KIAA1217: variants seen among roughly 807,000 people sequenced by gnomAD.
KIAA1217 encodes the protein sickle tail protein homolog.
KIAA1217 carries 88 observed loss-of-function variants against 163.9 expected under a neutral mutation model. The ratio of observed to expected loss-of-function variants is 0.54; its 90% CI spans 0.45 to 0.64. The LOEUF (loss-of-function observed/expected upper bound fraction) is 0.64, where lower values mean the gene tolerates loss of function less well. Ranked by LOEUF, KIAA1217 falls within the 30% of genes least tolerant of loss-of-function variation. KIAA1217 has a pLI of 0.00. For synonymous variants in KIAA1217, 903 were observed against 923.1 expected, an observed-to-expected ratio of 0.98 and a Z score of 0.39; for missense variants, 2,372 against 2,475.0, an observed-to-expected ratio of 0.96 and a Z score of 0.88.
chr10:24,477,042 A>G (rs1423620878), intron 6 of KIAA1217, among the ~76,000 whole-genome samples: 3 of 152,110 alleles, frequency 2.0e-5, no homozygotes, highest in Non-Finnish European at 2.9e-5. Context: ...TGCCCTCAGC[A>G]CTCCTACATG....
chr10:24,207,175 G>C (rs929990074), upstream of KIAA1217, among the ~76,000 whole-genome samples: 1 of 151,900 alleles, frequency 6.6e-6, no homozygotes, highest in Non-Finnish European at 1.5e-5. Flanking sequence ...TGTTAAGCAC[G>C]GGCTCTCTGG....
intron 1 of KIAA1217, among the ~76,000 whole-genome samples, chr10:23,708,281 G>T (rs1170419456): frequency 6.6e-6 from 1 of 152,086 alleles, no homozygotes; most frequent in Non-Finnish European, 1.5e-5. Context: ...GGGAATTATG[G>T]GAGCTGCAAT....
intron 1 of KIAA1217, among the ~76,000 whole-genome samples, chr10:23,843,036 T>C (rs1838862559): frequency 6.6e-6 from 1 of 152,200 alleles, no homozygotes; most frequent in Non-Finnish European, 1.5e-5. Flanking sequence ...ACTTCCAGTA[T>C]GTGAAACCAC....
At chr10:23,705,338 A>C (rs1836815691) in intron 1 of KIAA1217, among the ~76,000 whole-genome samples, 1 of 152,082 alleles carries the variant, frequency 6.6e-6, no homozygotes, top group Non-Finnish European at 1.5e-5. Context: ...ATGCAGATTC[A>C]TTAAGATTTA....
At chr10:24,243,893 C>T (rs2073438403) in intron 2 of KIAA1217, among the ~76,000 whole-genome samples, 1 of 152,218 alleles carries the variant, frequency 6.6e-6, no homozygotes, top group South Asian at 2.1e-4. Context: ...TCGTAGCGTT[C>T]AGAGATTATC....
At chr10:24,281,068 C>A (rs2077867228) in intron 2 of KIAA1217, among the ~76,000 whole-genome samples, 1 of 152,068 alleles carries the variant, frequency 6.6e-6, no homozygotes, top group Non-Finnish European at 1.5e-5. Flanking sequence ...ATTTTTAAAA[C>A]TTTGATGTGT....
chr10:23,789,251 GATT>G (rs1345791791), intron 1 of KIAA1217, among the ~76,000 whole-genome samples: 4 of 152,246 alleles, frequency 2.6e-5, no homozygotes, highest in Admixed American at 6.5e-5. Flanking sequence ...AATCTTTGGT[GATT>G]CAACGTTTGC....
At chr10:23,807,503 T>G (rs1357579274) in intron 1 of KIAA1217, among the ~76,000 whole-genome samples, 1 of 152,222 alleles carries the variant, frequency 6.6e-6, no homozygotes, top group Non-Finnish European at 1.5e-5. Context: ...AGGTCAAGTT[T>G]AGAAGCCAGA....
intron 1 of KIAA1217, among the ~76,000 whole-genome samples, chr10:23,733,067 G>A (rs1838565271): frequency 6.6e-6 from 1 of 151,374 alleles, no homozygotes; most frequent in African/African-American, 2.4e-5. Flanking sequence ...AGGCTGGAGT[G>A]CAGTGGCGCG....
At chr10:24,168,794 T>C (rs1204008077) in intron 2 of KIAA1217, among the ~76,000 whole-genome samples, 1 of 152,238 alleles carries the variant, frequency 6.6e-6, no homozygotes, top group African/African-American at 2.4e-5. Context: ...CTGTCCTACA[T>C]AGCAGAGCAC....
chr10:24,488,945 C>T (rs572903631), intron 6 of KIAA1217, among the ~76,000 whole-genome samples: 2 of 152,312 alleles, frequency 1.3e-5, no homozygotes, highest in Admixed American at 1.3e-4. Flanking sequence ...TCTGCTGTGT[C>T]CACGGCAGCT....
At chr10:24,318,921 G>A (rs918343637) in intron 2 of KIAA1217, among the ~76,000 whole-genome samples, 1 of 152,244 alleles carries the variant, frequency 6.6e-6, no homozygotes, top group Non-Finnish European at 1.5e-5. Context: ...GCCTCTGTGA[G>A]TTCGCTGTGG....
intron 1 of KIAA1217, among the ~76,000 whole-genome samples, chr10:23,804,681 G>A (rs1418619897): frequency 6.6e-6 from 1 of 152,138 alleles, no homozygotes; most frequent in African/African-American, 2.4e-5. Context: ...AGTGTCTGAA[G>A]TATATATGCT....
chr10:23,715,017 G>T (rs1837483485), intron 1 of KIAA1217, among the ~76,000 whole-genome samples: 1 of 152,176 alleles, frequency 6.6e-6, no homozygotes, highest in African/African-American at 2.4e-5. Context: ...CAAAGGGCAG[G>T]ATATATGGTA....
At chr10:23,946,127 A>T (rs965553488) in intron 1 of KIAA1217, among the ~76,000 whole-genome samples, 2 of 152,178 alleles carry the variant, frequency 1.3e-5, no homozygotes, top group African/African-American at 4.8e-5. Flanking sequence ...TAATAGTTAT[A>T]AACCACAAAG....
intron 1 of KIAA1217, among the ~76,000 whole-genome samples, chr10:23,777,332 C>T (rs1002114905): frequency 6.6e-6 from 1 of 152,116 alleles, no homozygotes; most frequent in African/African-American, 2.4e-5. Flanking sequence ...CTTTTCCTTT[C>T]CAGTTTAAAA....
intron 2 of KIAA1217, among the ~76,000 whole-genome samples, chr10:24,272,333 G>A (rs910501168): frequency 2.0e-5 from 3 of 152,130 alleles, no homozygotes; most frequent in Admixed American, 2.0e-4. Flanking sequence ...CTCGATGTGT[G>A]ACATTTTTTC....
At chr10:23,884,538 A>G (rs1589012163) in intron 1 of KIAA1217, among the ~76,000 whole-genome samples, 1 of 152,016 alleles carries the variant, frequency 6.6e-6, no homozygotes, top group East Asian at 2.0e-4. Flanking sequence ...GCCTTATTTC[A>G]TGTCATCTTC....
At chr10:23,900,472 C>G (rs545099775) in intron 1 of KIAA1217, among the ~76,000 whole-genome samples, 3 of 152,134 alleles carry the variant, frequency 2.0e-5, no homozygotes, top group Admixed American at 1.3e-4. Context: ...GAGACAGTCT[C>G]AAACAATAAA....
Sources: gnomAD v4.1 joint callset for allele counts (sites outside exome capture counted in the v4.1 genomes callset) on GRCh38, gnomAD v4.1.1 for gene constraint, MANE v1.5 for transcripts, NCBI Gene and HGNC (gene_info 2026-07-23, HGNC 2026-07-21) for gene names.